The following OTUD7B variants were observed in gnomAD, a reference collection of about 807,000 sequenced individuals.
OTUD7B encodes the protein OTU domain-containing protein 7B.
Under a neutral mutation model 82.2 loss-of-function variants are expected in OTUD7B, and 34 were observed. That is an observed-to-expected ratio of 0.41 (90% CI 0.31 to 0.55). OTUD7B has a LOEUF of 0.55. Ranked by LOEUF, OTUD7B falls within the 20% of genes least tolerant of loss-of-function variation. The probability of loss-of-function intolerance (pLI) is 0.20; values close to 1 mark genes in which losing one functional copy is unlikely to be tolerated. For missense variants in OTUD7B, 944 were observed against 1,062.1 expected, an observed-to-expected ratio of 0.89 and a Z score of 1.55; for synonymous variants, 398 against 402.7, an observed-to-expected ratio of 0.99 and a Z score of 0.14.
At chr1:149,977,297 A>C in intron 2 of OTUD7B, 129 bp downstream of exon 2, 1 of 671,790 alleles carries the variant, frequency 1.5e-6, no homozygotes, top group Middle Eastern at 2.6e-4. Context: ...AAAGTATATC[A>C]TTAGAATTAA....
At chr1:150,029,646 A>G in the OTUD7B span, among the ~76,000 whole-genome samples, 10 of 152,194 alleles carry the variant, frequency 6.6e-5, no homozygotes, top group Non-Finnish European at 1.5e-4. Context: ...CTCAGAGTCC[A>G]CAGTCTCCAG....
intron 1 of OTUD7B, among the ~76,000 whole-genome samples, chr1:149,997,609 A>C (rs1340790229): frequency 6.6e-6 from 1 of 152,192 alleles, no homozygotes; most frequent in East Asian, 1.9e-4. Context: ...CCAAAATCTA[A>C]AGAAATCTTT....
intron 7 of OTUD7B, among the ~76,000 whole-genome samples, chr1:149,955,318 G>A (rs1449172219): frequency 1.3e-5 from 2 of 152,180 alleles, no homozygotes; most frequent in African/African-American, 4.8e-5. Flanking sequence ...TCATTCAGCA[G>A]CAGGTTGTTC....
chr1:149,960,913 T>C (rs892199363), intron 6 of OTUD7B: 4 of 140,202 alleles, frequency 2.9e-5, no homozygotes, highest in African/African-American at 1.0e-4. Context: ...ACCCCACACC[T>C]GGATACCTTC....
rs1419422650 is a variant in OTUD7B, at chr1:149,940,617, T to G, written c.*3240A>C. On this transcript the variant is annotated 3_prime_UTR_variant, in exon 12 of 12. Transcript: ENST00000581312. ...CTGGATTAAAGGAACTAAGTGCACTTAAATTTAAGCCTGAGAGATGATATC... is the reference window on the plus strand; with the variant it reads ...CTGGATTAAAGGAACTAAGTGCACTGAAATTTAAGCCTGAGAGATGATATC... 6.6e-6 allele frequency: 1 copy of G among 152,098 alleles called. No individual in the cohort carries two copies. The highest frequency in any genetic ancestry group is 1.5e-5 in the Non-Finnish European group (1 of 68,004). 9.4% of individuals were successfully genotyped at this position (152,098 alleles called of 1,614,324 possible). A position where few individuals can be genotyped will look rare whatever the true frequency, so the allele number is the denominator to read the frequency against.
chr1:149,964,953 G>A (rs1037610283), intron 5 of OTUD7B, among the ~76,000 whole-genome samples: 15 of 149,658 alleles, frequency 1.0e-4, no homozygotes, highest in Middle Eastern at 3.5e-3. Context: ...ACAGTGGTGC[G>A]ATCTCGGCTC....
chr1:149,944,821 C>A lies in OTUD7B; in HGVS notation c.1568G>T (p.Gly523Val), dbSNP rs1392745300. The change falls in exon 12 of 12, where the codon GGC becomes GTC. Residue 523 changes from glycine to valine, a missense_variant. Gly to Val is a moderately radical substitution (Grantham distance 109, BLOSUM62 -3). This residue lies in a region of OTUD7B where 412 missense variants were observed against 418.7 expected (regional missense o/e 0.98). Coordinates refer to ENST00000581312, the MANE Select transcript of OTUD7B (RefSeq NM_020205.4). ...CTTTGAACCCTTGCTGTGCATCAGGCCCCCCATGTTCTTCTTGAGCTTGCT... is the reference window on the plus strand; with the variant it reads ...CTTTGAACCCTTGCTGTGCATCAGGACCCCCATGTTCTTCTTGAGCTTGCT... ...LGSKLKKNMG[G>V]LMHSKGSKPG... The A allele has an allele frequency of 6.2e-7, 1 of 1,614,132 alleles. No individual in the cohort carries two copies. The highest frequency in any genetic ancestry group is 8.5e-7 in the Non-Finnish European group (1 of 1,180,026).
the OTUD7B span, among the ~76,000 whole-genome samples, chr1:150,056,782 A>T: frequency 3.9e-5 from 6 of 152,236 alleles, no homozygotes; most frequent in Admixed American, 3.9e-4. Flanking sequence ...ATGGGGGAAG[A>T]CAGGACAGGT....
chr1:149,947,538 G>A (rs1397735949), intron 10 of OTUD7B, among the ~76,000 whole-genome samples: 1 of 152,068 alleles, frequency 6.6e-6, no homozygotes, highest in African/African-American at 2.4e-5. Flanking sequence ...AGCTGAGAAT[G>A]GGTATAGATA....
At chr1:150,007,609 A>G (rs1652751629) in intron 1 of OTUD7B, among the ~76,000 whole-genome samples, 1 of 152,144 alleles carries the variant, frequency 6.6e-6, no homozygotes, top group African/African-American at 2.4e-5. Flanking sequence ...ATACCTCCCT[A>G]AAGCCTGTCA....
chr1:150,003,129 A>G (rs1335967996), intron 1 of OTUD7B, among the ~76,000 whole-genome samples: 1 of 151,954 alleles, frequency 6.6e-6, no homozygotes, highest in Admixed American at 6.6e-5. Context: ...GGGCGCCTGT[A>G]GTCCCAGCAA....
chr1:149,989,736 TAA>T (rs75348315), intron 1 of OTUD7B, among the ~76,000 whole-genome samples: 1 of 102,962 alleles, frequency 9.7e-6, no homozygotes, highest in Admixed American at 1.1e-4. Flanking sequence ...GAGACCCTGT[TAA>T]AAAAAAAAAG....
the OTUD7B span, among the ~76,000 whole-genome samples, chr1:150,053,068 C>A: frequency 1.3e-5 from 2 of 152,052 alleles, no homozygotes; most frequent in East Asian, 3.9e-4. Context: ...AATATAAAAC[C>A]CAAAACTATA....
intron 2 of OTUD7B, among the ~76,000 whole-genome samples, chr1:149,974,006 G>A (rs977092330): frequency 6.6e-6 from 1 of 151,860 alleles, no homozygotes; most frequent in Non-Finnish European, 1.5e-5. Context: ...ACAGGCACGC[G>A]TCACCACGCC....
Position 149,977,796 on chromosome 1 carries a change from A to G in OTUD7B, c.-66-220T>C, listed in dbSNP as rs587634076. Among the ~76,000 whole-genome samples the G allele has an allele frequency of 2.0e-5, 3 of 152,106 alleles. No homozygotes were observed. In the South Asian group the frequency reaches 6.2e-4, roughly 32 times the overall value. Reference sequence around the variant, plus strand: ...ACATTAACCAGGAACCTGTAATACCACTCTGAAAAATGCTTTTCCTGTACT... The same window carrying G: ...ACATTAACCAGGAACCTGTAATACCGCTCTGAAAAATGCTTTTCCTGTACT... On this transcript the variant is annotated intron_variant, in intron 1 of 11. Transcript: ENST00000581312.
the OTUD7B span, among the ~76,000 whole-genome samples, chr1:150,063,249 C>T: frequency 6.6e-6 from 1 of 151,884 alleles, no homozygotes; most frequent in Non-Finnish European, 1.5e-5. Context: ...GCCAGGAGTT[C>T]GAGACCAGCC....
chr1:149,956,913 T>G (rs587640741), intron 7 of OTUD7B, among the ~76,000 whole-genome samples: 4 of 152,248 alleles, frequency 2.6e-5, no homozygotes, highest in African/African-American at 9.6e-5. Flanking sequence ...CTCTATGCTG[T>G]TTATTCTAGT....
In OTUD7B at chr1:149,958,448, C is replaced by G. The variant is rs1242091151; in HGVS notation, c.845+1236G>C. On this transcript the variant is annotated intron_variant, in intron 7 of 11. Coordinates refer to ENST00000581312, the MANE Select transcript of OTUD7B (RefSeq NM_020205.4). ...GTTCAAGCAATTCTCCTGCCTCAGC[C>G]TCTCGAGTAGCTGGGATTACAGCCG... Among the ~76,000 whole-genome samples the G allele has an allele frequency of 2.7e-5, 4 of 149,288 alleles. No individual in the cohort carries two copies. In the East Asian group the frequency reaches 8.1e-4, roughly 30 times the overall value.
the OTUD7B span, among the ~76,000 whole-genome samples, chr1:150,027,739 G>A: frequency 2.0e-5 from 3 of 149,770 alleles, no homozygotes; most frequent in Non-Finnish European, 4.4e-5. Flanking sequence ...AAAAAAAAAA[G>A]TGTATTTTCT....
Sources: allele counts gnomAD v4.1 joint callset (sites outside exome capture counted in the v4.1 genomes callset), GRCh38; gene constraint gnomAD v4.1.1; regional missense constraint gnomAD v4.1.1; transcripts MANE v1.5; gene names NCBI Gene and HGNC (gene_info 2026-07-23, HGNC 2026-07-21).